The following EYA3 variants were observed in gnomAD, a reference collection of about 807,000 sequenced individuals.
EYA3 encodes the protein EYA transcriptional coactivator and phosphatase 3.
A neutral mutation model predicts 80.0 loss-of-function variants in EYA3; 39 were observed. The ratio of observed to expected loss-of-function variants is 0.49; its 90% CI spans 0.38 to 0.64. EYA3 has a LOEUF of 0.64. Ranked by LOEUF, EYA3 falls within the 30% of genes least tolerant of loss-of-function variation. The pLI is 0.00. For synonymous variants in EYA3, 206 were observed against 232.8 expected, an observed-to-expected ratio of 0.88 and a Z score of 1.05; for missense variants, 523 against 676.1, an observed-to-expected ratio of 0.77 and a Z score of 2.51.
At chr1:28,047,848 C>G (rs569112852) in intron 3 of EYA3, among the ~76,000 whole-genome samples, 38 of 152,080 alleles carry the variant, frequency 2.5e-4, no homozygotes, top group Non-Finnish European at 5.3e-4. Flanking sequence ...ACCGTGTTAG[C>G]CAGGATGGTC....
intron 1 of EYA3, among the ~76,000 whole-genome samples, chr1:28,058,820 T>C (rs1295618768): frequency 2.6e-5 from 4 of 152,116 alleles, no homozygotes; most frequent in East Asian, 1.9e-4. Flanking sequence ...AAAGGAAAAA[T>C]GGGATTCTAA....
At chr1:28,035,713 G>C in intron 5 of EYA3, 33 bp from the exon 6 acceptor site, 1 of 1,608,480 alleles carries the variant, frequency 6.2e-7, no homozygotes, top group Non-Finnish European at 8.5e-7. Flanking sequence ...AAACTTTTGT[G>C]TGATTTACTT....
chr1:28,018,170 T>C, intron 7 of EYA3, among the ~76,000 whole-genome samples: 1 of 151,100 alleles, frequency 6.6e-6, no homozygotes, highest in Admixed American at 6.6e-5. Context: ...CACTACAGCC[T>C]GGGTGACAGA....
intron 15 of EYA3, among the ~76,000 whole-genome samples, chr1:27,989,380 C>T (rs1001337936): frequency 6.6e-6 from 1 of 152,184 alleles, no homozygotes; most frequent in Non-Finnish European, 1.5e-5. Flanking sequence ...ATTGTAATAA[C>T]ATCTCCTCCA....
intron 16 of EYA3, among the ~76,000 whole-genome samples, chr1:27,980,145 G>A (rs564026802): frequency 6.6e-6 from 1 of 152,306 alleles, no homozygotes; most frequent in South Asian, 2.1e-4. Flanking sequence ...TGTTTGCTGA[G>A]TAAATTCATA....
intron 10 of EYA3, among the ~76,000 whole-genome samples, chr1:28,008,629 C>T (rs1171524847): frequency 6.6e-6 from 1 of 152,044 alleles, no homozygotes; most frequent in Non-Finnish European, 1.5e-5. Flanking sequence ...ACTCCTACAA[C>T]TCAACAATGA....
chr1:27,998,309 C>G, intron 12 of EYA3: 3 of 985,722 alleles, frequency 3.0e-6, no homozygotes, highest in Non-Finnish European at 3.6e-6. Flanking sequence ...ACATTCAGGT[C>G]AAATTCTTCA....
chr1:28,024,377 C>G (rs1642644798), intron 7 of EYA3, among the ~76,000 whole-genome samples: 1 of 152,122 alleles, frequency 6.6e-6, no homozygotes. Flanking sequence ...TTGAATTAGG[C>G]TGGGCGCAGT....
intron 1 of EYA3, among the ~76,000 whole-genome samples, chr1:28,085,826 C>A (rs2148967544): frequency 6.6e-6 from 1 of 152,244 alleles, no homozygotes; most frequent in South Asian, 2.1e-4. Context: ...GCTTGAAGAT[C>A]AGCAGCATGG....
chr1:28,011,057 G>C lies in EYA3; in HGVS notation c.799C>G (p.Gln267Glu), dbSNP rs1641659112. 1.2e-6 allele frequency: 2 copies of C among 1,613,296 alleles called. No individual in the cohort carries two copies. Among genetic ancestry groups the C allele is most frequent in the African/African-American group, 1.3e-5 (1 of 74,814 alleles). ...TCAGTATCTTTACTTGGTGTAGTCT[G>C]GGACAAAGATGGACTTGTAGAAGGG... Reference protein sequence around the residue: ...GDPSTSPSLSQTTPSKDTDDQ... With the variant: ...GDPSTSPSLSETTPSKDTDDQ... The change falls in exon 10 of 18, where the codon CAG becomes GAG. Residue 267 changes from glutamine to glutamate, a missense_variant. Around this residue, in one of 2 missense-constraint regions of EYA3, gnomAD observed 304 missense variants for 343.3 expected, o/e 0.89. Transcript: ENST00000373871.
chr1:28,006,296 T>C (rs1026113081), intron 10 of EYA3, among the ~76,000 whole-genome samples: 6 of 152,156 alleles, frequency 3.9e-5, no homozygotes, highest in Non-Finnish European at 5.9e-5. Flanking sequence ...TAATCTCAAC[T>C]GATGCAGAAA....
chr1:28,069,629 A>G (rs1644953926), intron 1 of EYA3, among the ~76,000 whole-genome samples: 1 of 145,334 alleles, frequency 6.9e-6, no homozygotes, highest in Non-Finnish European at 1.5e-5. Flanking sequence ...GAAGAGGAGA[A>G]GGAAGGAAGG....
chr1:28,087,863 G>A (rs1057156744), intron 1 of EYA3, among the ~76,000 whole-genome samples: 4 of 152,210 alleles, frequency 2.6e-5, no homozygotes, highest in African/African-American at 9.6e-5. Flanking sequence ...GAACGCCTTT[G>A]TTGTACCCTA....
intron 4 of EYA3, among the ~76,000 whole-genome samples, chr1:28,040,641 G>T (rs946685597): frequency 6.6e-6 from 1 of 152,108 alleles, no homozygotes; most frequent in African/African-American, 2.4e-5. Context: ...GAGGAGAAAC[G>T]TATTCTAGAA....
At chr1:28,014,417 CAAAAAAA>C (rs1173842687) in intron 8 of EYA3, among the ~76,000 whole-genome samples, 5 of 49,538 alleles carry the variant, frequency 1.0e-4, no homozygotes, top group Admixed American at 7.9e-4. Context: ...CACACTGTCT[CAAAAAAA>C]AAAAAAAAAA....
chr1:28,010,845 T>A, intron 10 of EYA3, 102 bp downstream of exon 10: 1 of 1,365,998 alleles, frequency 7.3e-7, no homozygotes, highest in South Asian at 1.5e-5. Context: ...AAAGGGCACA[T>A]AACATAGTGC....
intron 7 of EYA3, among the ~76,000 whole-genome samples, chr1:28,019,035 G>A (rs769554663): frequency 1.3e-5 from 2 of 152,086 alleles, no homozygotes; most frequent in Non-Finnish European, 2.9e-5. Context: ...GTGTGATGGT[G>A]TGCACCTGTA....
chr1:28,066,446 T>C (rs1300502445), intron 1 of EYA3, among the ~76,000 whole-genome samples: 1 of 152,060 alleles, frequency 6.6e-6, no homozygotes, highest in Non-Finnish European at 1.5e-5. Flanking sequence ...ATCTATAAAG[T>C]ATTTAAAATA....
intron 16 of EYA3, among the ~76,000 whole-genome samples, chr1:27,984,197 C>T (rs1056767815): frequency 3.3e-5 from 5 of 152,056 alleles, no homozygotes; most frequent in African/African-American, 4.8e-5. Context: ...CCACCACACC[C>T]GGCTAATTTT....
Sources: allele counts gnomAD v4.1 joint callset (sites outside exome capture counted in the v4.1 genomes callset), GRCh38; gene constraint gnomAD v4.1.1; regional missense constraint gnomAD v4.1.1; transcripts MANE v1.5; gene names NCBI Gene and HGNC (gene_info 2026-07-23, HGNC 2026-07-21).